CIMIP5: variants seen among roughly 807,000 people sequenced by gnomAD.
The protein encoded by CIMIP5 is ciliary microtubule inner protein 5.
the CIMIP5 span, among the ~76,000 whole-genome samples, chr2:11,136,788 C>T: frequency 1.4e-4 from 22 of 152,230 alleles, no homozygotes; most frequent in Middle Eastern, 3.4e-3. Flanking sequence ...TAGAAGGAAA[C>T]GGGTGGGCAT....
At chr2:11,150,174 C>G in the CIMIP5 span, among the ~76,000 whole-genome samples, 1 of 151,666 alleles carries the variant, frequency 6.6e-6, no homozygotes, top group South Asian at 2.1e-4. Flanking sequence ...TCTCGAACCT[C>G]GTGATCCACT....
chr2:11,137,167 G>A, the CIMIP5 span, among the ~76,000 whole-genome samples: 26 of 152,310 alleles, frequency 1.7e-4, no homozygotes, highest in East Asian at 4.6e-3. Flanking sequence ...GAAGTCAGGA[G>A]TTCGAGACTA....
the CIMIP5 span, among the ~76,000 whole-genome samples, chr2:11,143,291 T>C: frequency 6.6e-6 from 1 of 151,928 alleles, no homozygotes; most frequent in African/African-American, 2.4e-5. Context: ...CTCACACACA[T>C]AATGTTGAGA....
chr2:11,143,573 A>T, the CIMIP5 span, among the ~76,000 whole-genome samples: 1 of 152,072 alleles, frequency 6.6e-6, no homozygotes, highest in Admixed American at 6.6e-5. Flanking sequence ...TTTACCAAAA[A>T]AAAAAAAAAA....
chr2:11,135,668 T>G, the CIMIP5 span, among the ~76,000 whole-genome samples: 53 of 1,090 alleles, frequency 0.049, no homozygotes, highest in East Asian at 0.5. Context: ...GTTTTTTTGG[T>G]TTTTTTTTTT....
the CIMIP5 span, among the ~76,000 whole-genome samples, chr2:11,149,478 A>G: frequency 1.3e-5 from 2 of 152,132 alleles, no homozygotes; most frequent in African/African-American, 4.8e-5. Flanking sequence ...GGCCGAGGTA[A>G]AAGTATCGCT....
the CIMIP5 span, among the ~76,000 whole-genome samples, chr2:11,134,108 C>T: frequency 3.9e-5 from 6 of 151,994 alleles, no homozygotes; most frequent in African/African-American, 1.5e-4. Flanking sequence ...TGAAGTGTGA[C>T]CAGCGGTAAG....
chr2:11,145,355 T>C, the CIMIP5 span: 3 of 152,222 alleles, frequency 2.0e-5, no homozygotes, highest in African/African-American at 7.2e-5. Context: ...GGTCTTGAAC[T>C]TTTGGGCTCA....
At chr2:11,133,195 C>T in the CIMIP5 span, 3 of 1,029,924 alleles carry the variant, frequency 2.9e-6, no homozygotes, top group Non-Finnish European at 4.0e-6. Flanking sequence ...CCTAAAGGGA[C>T]AGTGAGGAGG....
the CIMIP5 span, among the ~76,000 whole-genome samples, chr2:11,140,294 G>A: frequency 6.7e-6 from 1 of 150,176 alleles, no homozygotes; most frequent in Admixed American, 6.6e-5. Context: ...AGAATGGCGT[G>A]AACCCGGGAG....
the CIMIP5 span, among the ~76,000 whole-genome samples, chr2:11,148,980 C>T: frequency 2.0e-5 from 3 of 151,298 alleles, no homozygotes; most frequent in African/African-American, 4.9e-5. Flanking sequence ...GTGATCCGCC[C>T]GCCTCGGCCT....
chr2:11,138,394 A>T, the CIMIP5 span, among the ~76,000 whole-genome samples: 6 of 152,242 alleles, frequency 3.9e-5, no homozygotes, highest in African/African-American at 9.6e-5. Context: ...CATAAGAATC[A>T]AAACGATACA....
the CIMIP5 span, among the ~76,000 whole-genome samples, chr2:11,141,134 T>C: frequency 2.0e-4 from 28 of 143,546 alleles, no homozygotes; most frequent in Non-Finnish European, 4.1e-4. Context: ...TTTTTTTTTT[T>C]TTTTTTTTTT....
chr2:11,133,823 C>T, the CIMIP5 span, among the ~76,000 whole-genome samples: 1 of 152,150 alleles, frequency 6.6e-6, no homozygotes, highest in Non-Finnish European at 1.5e-5. Context: ...AGAGCAGCCC[C>T]ACCTCGTTCA....
the CIMIP5 span, chr2:11,146,582 T>C: frequency 0.17 from 26,481 of 152,238 alleles, 6,705 homozygotes; most frequent in African/African-American, 0.56. Context: ...ACAGCCCCTG[T>C]GTTTCATGCC....
At chr2:11,153,159 T>C in the CIMIP5 span, among the ~76,000 whole-genome samples, 1 of 152,162 alleles carries the variant, frequency 6.6e-6, no homozygotes, top group Non-Finnish European at 1.5e-5. Context: ...CACTGCATCC[T>C]GGTCTTCACG....
the CIMIP5 span, among the ~76,000 whole-genome samples, chr2:11,133,848 C>T: frequency 1.3e-5 from 2 of 152,176 alleles, no homozygotes; most frequent in African/African-American, 4.8e-5. Flanking sequence ...GACTGCGACG[C>T]GGCCGGTAAT....
the CIMIP5 span, among the ~76,000 whole-genome samples, chr2:11,135,499 C>T: frequency 1.3e-5 from 2 of 151,638 alleles, no homozygotes; most frequent in Non-Finnish European, 2.9e-5. Flanking sequence ...GGTGTGATCT[C>T]GGCTCATTGC....
At chr2:11,151,881 G>A in the CIMIP5 span, among the ~76,000 whole-genome samples, 10 of 152,344 alleles carry the variant, frequency 6.6e-5, no homozygotes, top group South Asian at 2.1e-4. Flanking sequence ...TGATCTGCAC[G>A]CCTCAGCCTC....
Sources: allele counts gnomAD v4.1 joint callset (sites outside exome capture counted in the v4.1 genomes callset), GRCh38; gene constraint gnomAD v4.1.1; transcripts MANE v1.5; gene names NCBI Gene and HGNC (gene_info 2026-07-23, HGNC 2026-07-21).